The following CDC14A variants were observed in gnomAD, a reference collection of about 807,000 sequenced individuals.
CDC14A encodes dual specificity protein phosphatase CDC14A.
CDC14A carries 53 observed loss-of-function variants against 74.4 expected under a neutral mutation model. The observed-to-expected ratio is 0.71, with a 90% CI of 0.57 to 0.89. The LOEUF (loss-of-function observed/expected upper bound fraction) is 0.89. Among genes scored for constraint, CDC14A ranks in the 40% least tolerant of loss-of-function variants. The pLI is 0.00. For missense variants in CDC14A, 646 were observed against 713.7 expected, an observed-to-expected ratio of 0.91 and a Z score of 1.08; for synonymous variants, 247 against 258.4, an observed-to-expected ratio of 0.96 and a Z score of 0.43.
At chr1:100,366,556 G>A (rs1343854420) in intron 2 of CDC14A, among the ~76,000 whole-genome samples, 1 of 152,152 alleles carries the variant, frequency 6.6e-6, no homozygotes, top group East Asian at 1.9e-4. Flanking sequence ...AGGCTTTTAG[G>A]CCCAGCTTCT....
intron 15 of CDC14A, among the ~76,000 whole-genome samples, chr1:100,511,691 C>T (rs1334303986): frequency 2.0e-5 from 3 of 152,204 alleles, no homozygotes; most frequent in Non-Finnish European, 4.4e-5. Flanking sequence ...TCCCTTGTCA[C>T]ACCAGTCACT....
intron 7 of CDC14A, among the ~76,000 whole-genome samples, chr1:100,444,262 C>G (rs1268653046): frequency 6.6e-6 from 1 of 152,176 alleles, no homozygotes; most frequent in Non-Finnish European, 1.5e-5. Flanking sequence ...TCACTTCCTT[C>G]CCTCTGACTC....
chr1:100,382,285 A>G (rs1656245392), intron 3 of CDC14A, among the ~76,000 whole-genome samples: 1 of 142,288 alleles, frequency 7.0e-6, no homozygotes, highest in South Asian at 2.2e-4. Flanking sequence ...GTGCAGTCAT[A>G]GCTCACTGCA....
At chr1:100,390,890 A>C in intron 4 of CDC14A, 66 bp downstream of exon 4, 1 of 1,171,584 alleles carries the variant, frequency 8.5e-7, no homozygotes, top group Non-Finnish European at 1.3e-6. Context: ...TGTCAAAGAA[A>C]ATCCAAACCA....
chr1:100,456,437 C>CCCT (rs1553188027), intron 8 of CDC14A, among the ~76,000 whole-genome samples: 2 of 150,742 alleles, frequency 1.3e-5, no homozygotes, highest in African/African-American at 4.9e-5. Flanking sequence ...ATCCCCCCCC[C>CCCT]TTTTTTTTTC....
At chr1:100,384,387 G>T (rs1656563170) in intron 3 of CDC14A, among the ~76,000 whole-genome samples, 1 of 151,956 alleles carries the variant, frequency 6.6e-6, no homozygotes, top group South Asian at 2.1e-4. Flanking sequence ...TTTTTTCCTT[G>T]TTAAATGAAA....
At chr1:100,403,899 A>G (rs1389368302) in intron 4 of CDC14A, among the ~76,000 whole-genome samples, 4 of 152,214 alleles carry the variant, frequency 2.6e-5, no homozygotes, top group Non-Finnish European at 4.4e-5. Flanking sequence ...CTGAAAAGTT[A>G]TATAATGTCC....
chr1:100,501,262 G>A (rs1046043703), intron 15 of CDC14A, among the ~76,000 whole-genome samples: 11 of 152,116 alleles, frequency 7.2e-5, no homozygotes, highest in Admixed American at 5.9e-4. Flanking sequence ...TTCACATACC[G>A]ATTGTGGATC....
chr1:100,347,998 T>C (rs1650571391), upstream of CDC14A, among the ~76,000 whole-genome samples: 1 of 152,194 alleles, frequency 6.6e-6, no homozygotes, highest in Non-Finnish European at 1.5e-5. Flanking sequence ...GAAAGAATAT[T>C]TTCCGCCAGG....
rs555646605 is a variant in CDC14A at position 100,452,012 on chromosome 1, G to C, written c.520-3393G>C. On this transcript the variant is annotated intron_variant, in intron 7 of 15. Transcript: ENST00000336454. ...AATGTCTAAATGAATGTTGAATTGC[G>C]CTTCAAAACTGTTTCTGCATGTTTT... 2.0e-5 allele frequency among the ~76,000 whole-genome samples: 3 copies of C among 152,118 alleles called. No individual in the cohort carries two copies. The South Asian group carries it at 6.2e-4, about 31-fold the overall frequency.
chr1:100,349,957 A>T (rs1221720483), upstream of CDC14A, among the ~76,000 whole-genome samples: 5 of 129,358 alleles, frequency 3.9e-5, no homozygotes, highest in Admixed American at 1.7e-4. Context: ...TAAGTTTTGT[A>T]TTTTTTTTTT....
chr1:100,361,659 G>A (rs1652765334), intron 2 of CDC14A, among the ~76,000 whole-genome samples: 2 of 152,198 alleles, frequency 1.3e-5, no homozygotes, highest in Admixed American at 1.3e-4. Flanking sequence ...CACAAGAGGT[G>A]TTTGGGAATA....
At chr1:100,423,502 T>C (rs1259218656) in intron 4 of CDC14A, among the ~76,000 whole-genome samples, 1 of 152,214 alleles carries the variant, frequency 6.6e-6, no homozygotes, top group Admixed American at 6.5e-5. Context: ...ATAAATTCTA[T>C]TAAGGGAGGT....
intron 4 of CDC14A, chr1:100,393,673 A>G (rs1259109929): frequency 5.9e-6 from 3 of 509,376 alleles, no homozygotes; most frequent in African/African-American, 5.7e-5. Flanking sequence ...AGTGGTCAAT[A>G]TCAATCAAGC....
intron 9 of CDC14A, among the ~76,000 whole-genome samples, chr1:100,465,793 C>T (rs916139762): frequency 3.3e-5 from 5 of 152,156 alleles, no homozygotes; most frequent in South Asian, 2.1e-4. Context: ...AATACAGCAA[C>T]GTTGTGATAG....
chr1:100,426,610 A>G (rs1662988138), intron 5 of CDC14A, among the ~76,000 whole-genome samples: 1 of 152,182 alleles, frequency 6.6e-6, no homozygotes, highest in South Asian at 2.1e-4. Flanking sequence ...AAATTTAAAA[A>G]ATCTATATAG....
chr1:100,365,457 A>T (rs1366973712), intron 2 of CDC14A, among the ~76,000 whole-genome samples: 1 of 152,228 alleles, frequency 6.6e-6, no homozygotes, highest in African/African-American at 2.4e-5. Context: ...GTGATATATG[A>T]TATTACATAA....
At position 100,462,649 on chromosome 1, in the gene CDC14A, A is replaced by G. The variant is rs1249820126; in HGVS notation, c.608-2A>G. The G allele has an allele frequency of 6.2e-7, 1 of 1,611,752 alleles. No homozygotes were observed. On this transcript the variant is annotated splice_acceptor_variant, in intron 8 of 15. Transcript: ENST00000336454. LOFTEE classifies it high-confidence loss of function. ...TTGCTTACTGCTCCTTTGTTCCTTT[A>G]GGTTATCCTCTTCACGCCCCTGAAG...
At chr1:100,420,082 A>ATGT (rs58124351) in intron 4 of CDC14A, among the ~76,000 whole-genome samples, 1 of 105,524 alleles carries the variant, frequency 9.5e-6, no homozygotes, top group African/African-American at 3.3e-5. Flanking sequence ...ATATATATAT[A>ATGT]GTGTGTATGT....
Sources: gnomAD v4.1 joint callset for allele counts (sites outside exome capture counted in the v4.1 genomes callset) on GRCh38, gnomAD v4.1.1 for gene constraint, MANE v1.5 for transcripts, NCBI Gene and HGNC (gene_info 2026-07-23, HGNC 2026-07-21) for gene names.